Variants in FAM20B observed in about 807,000 individuals in gnomAD.
The protein encoded by FAM20B is FAM20B glycosaminoglycan xylosylkinase.
In FAM20B, 23 loss-of-function variants were observed where a neutral mutation model predicts 43.8. That is an observed-to-expected ratio of 0.53 (90% CI 0.38 to 0.74). FAM20B has a LOEUF of 0.74. FAM20B is among the 30% of genes least tolerant of loss of function. FAM20B has a pLI of 0.00. For missense variants in FAM20B, 440 were observed against 510.5 expected (o/e 0.86, Z 1.33); for synonymous variants, 178 against 192.4 (o/e 0.93, Z 0.62).
intron 2 of FAM20B, 143 bp from the exon 3 acceptor site, chr1:179,050,136 T>C: frequency 1.7e-6 from 1 of 574,646 alleles, no homozygotes; most frequent in East Asian, 3.0e-5. Flanking sequence ...CAATTCATGC[T>C]AATCCACAGT....
At chr1:179,019,449 T>A in the FAM20B span, among the ~76,000 whole-genome samples, 1 of 150,966 alleles carries the variant, frequency 6.6e-6, no homozygotes, top group Non-Finnish European at 1.5e-5. Context: ...TCTGGTTTTT[T>A]TTTTTGTTTG....
chr1:179,028,858 T>C (rs2102479178), intron 1 of FAM20B, among the ~76,000 whole-genome samples: 1 of 152,350 alleles, frequency 6.6e-6, no homozygotes, highest in African/African-American at 2.4e-5. Context: ...GGAAATATTC[T>C]AATGTATATA....
chr1:179,061,779 A>G (rs1386295090), intron 4 of FAM20B, among the ~76,000 whole-genome samples: 2 of 151,994 alleles, frequency 1.3e-5, no homozygotes, highest in African/African-American at 4.8e-5. Flanking sequence ...TGAAGGGTAG[A>G]ACTCCCCTGC....
intron 2 of FAM20B, among the ~76,000 whole-genome samples, chr1:179,046,367 A>G (rs1470350069): frequency 6.6e-6 from 1 of 152,150 alleles, no homozygotes; most frequent in Non-Finnish European, 1.5e-5. Flanking sequence ...ATATAAAGAG[A>G]TGGCCGGGCA....
chr1:179,026,965 A>G (rs961177732), intron 1 of FAM20B, among the ~76,000 whole-genome samples: 3 of 152,248 alleles, frequency 2.0e-5, no homozygotes, highest in Non-Finnish European at 4.4e-5. Context: ...TAATGGAATT[A>G]TTAGTCCTTT....
rs1651944185 is a variant in FAM20B, at chr1:179,071,999, C to G, written c.1085C>G (p.Pro362Arg). Residue 362 changes from proline (P) to arginine (R), a missense_variant, in exon 8 of 8, where the codon CCC becomes CGC. Physicochemically the swap from Pro to Arg is moderately radical, Grantham distance 103. Coordinates refer to ENST00000263733, the MANE Select transcript of FAM20B (RefSeq NM_014864.4). ...TTAAAATCTGCCATGGCCCATGACC[C>G]CATCTCCCCAGTGCTCTCTGATCCT... ...SALKSAMAHD[P>R]ISPVLSDPHL... The G allele has an allele frequency of 6.2e-7, 1 of 1,614,090 alleles. No individual in the cohort carries two copies. The highest frequency in any genetic ancestry group is 1.7e-5 in the Admixed American group (1 of 60,014).
intron 7 of FAM20B, among the ~76,000 whole-genome samples, chr1:179,071,144 A>T (rs1287025261): frequency 6.6e-6 from 1 of 151,822 alleles, no homozygotes; most frequent in East Asian, 2.0e-4. Flanking sequence ...AAATACAAAA[A>T]AATTAGCCGG....
At chr1:179,061,522 G>A (rs1411352288) in intron 4 of FAM20B, among the ~76,000 whole-genome samples, 3 of 151,982 alleles carry the variant, frequency 2.0e-5, no homozygotes, top group Non-Finnish European at 2.9e-5. Context: ...TCCTACCTCA[G>A]CCTCCTGAGT....
intron 7 of FAM20B, among the ~76,000 whole-genome samples, chr1:179,071,121 C>T (rs1313436512): frequency 4.0e-5 from 6 of 151,656 alleles, no homozygotes; most frequent in Non-Finnish European, 5.9e-5. Context: ...GGTGAAAACC[C>T]GTCTCTACTA....
intron 1 of FAM20B, chr1:179,035,732 A>C (rs573287846): frequency 1.3e-5 from 4 of 306,868 alleles, no homozygotes; most frequent in Middle Eastern, 1.1e-3. Context: ...TGGAATCTAT[A>C]TCTCTTCTCC....
intron 2 of FAM20B, among the ~76,000 whole-genome samples, chr1:179,045,158 A>T (rs1650708843): frequency 1.3e-5 from 2 of 152,190 alleles, no homozygotes; most frequent in South Asian, 4.1e-4. Context: ...ATTTTTATTT[A>T]TTTATTTATT....
At chr1:179,047,749 C>T (rs1057438668) in intron 2 of FAM20B, among the ~76,000 whole-genome samples, 5 of 152,208 alleles carry the variant, frequency 3.3e-5, no homozygotes, top group South Asian at 4.1e-4. Flanking sequence ...GTTCTGACCC[C>T]CAGGGCTTCA....
intron 1 of FAM20B, among the ~76,000 whole-genome samples, chr1:179,034,294 G>A (rs2102485294): frequency 6.6e-6 from 1 of 152,222 alleles, no homozygotes; most frequent in East Asian, 1.9e-4. Flanking sequence ...GCCCAGAACT[G>A]GCACACAGTC....
chr1:179,064,013 G>A lies in FAM20B; in HGVS notation c.661G>A (p.Val221Ile). 1 of 1,614,024 alleles carries A rather than the reference G, an allele frequency of 6.2e-7. No homozygotes were observed. Among genetic ancestry groups the A allele is most frequent in the East Asian group, 2.2e-5 (1 of 44,884 alleles). ...CADGDIMEGSVTLWLPDVWPL... is the reference protein window; with the variant it reads ...CADGDIMEGSITLWLPDVWPL... ...TGATGGAGACATAATGGAGGGATCT[G>A]TCACACTTTGGCTTCCAGATGTGTG... Residue 221 changes from valine to isoleucine, a missense_variant, in exon 5 of 8, where the codon GTC becomes ATC. Physicochemically the swap from Val to Ile is conservative, Grantham distance 29. Coordinates refer to ENST00000263733, the MANE Select transcript of FAM20B (RefSeq NM_014864.4).
At position 179,041,115 on chromosome 1, in the gene FAM20B, G is replaced by A. The variant is rs183207076; in HGVS notation, c.-133-2600G>A. Among the ~76,000 whole-genome samples, 375 of 126,222 alleles carry A rather than the reference G, an allele frequency of 3.0e-3. 2 individuals are homozygous for A. The highest frequency in any genetic ancestry group is 0.014 in the African/African-American group (340 of 25,088). The allele number at this position is 126,222 out of a possible 152,430, so 82.8% of individuals were successfully genotyped here. ...GATGGGATGGCGGCCGGGAAGAGGC[G>A]CTCCTCACTTCCTAGATGGGATGGC... On this transcript the variant is annotated intron_variant, in intron 1 of 7. Coordinates refer to ENST00000263733, the MANE Select transcript of FAM20B (RefSeq NM_014864.4).
intron 2 of FAM20B, among the ~76,000 whole-genome samples, chr1:179,046,750 C>T (rs2102501072): frequency 6.6e-6 from 1 of 151,986 alleles, no homozygotes; most frequent in South Asian, 2.1e-4. Context: ...TGCCTGTAAT[C>T]CTAGCACTTT....
At chr1:179,026,258 G>T (rs1018932120) in intron 1 of FAM20B, among the ~76,000 whole-genome samples, 160 bp downstream of exon 1, 1 of 151,384 alleles carries the variant, frequency 6.6e-6, no homozygotes, top group East Asian at 2.0e-4. Context: ...GGCACCGGGT[G>T]CCCTGAGCCG....
At chr1:179,041,424 C>A (rs1487002012) in intron 1 of FAM20B, among the ~76,000 whole-genome samples, 1 of 152,124 alleles carries the variant, frequency 6.6e-6, no homozygotes, top group Non-Finnish European at 1.5e-5. Flanking sequence ...GAGGCCGAGG[C>A]TGGCGGATCA....
chr1:179,063,810 A>C, intron 4 of FAM20B, 117 bp from the exon 5 acceptor site: 1 of 672,314 alleles, frequency 1.5e-6, no homozygotes, highest in South Asian at 2.3e-5. Context: ...TAGTAAACTC[A>C]GGGTCTTTGT....
Sources: gnomAD v4.1 joint callset for allele counts (sites outside exome capture counted in the v4.1 genomes callset) on GRCh38, gnomAD v4.1.1 for gene constraint, MANE v1.5 for transcripts, NCBI Gene and HGNC (gene_info 2026-07-23, HGNC 2026-07-21) for gene names.